FREM1: variants seen among roughly 807,000 people sequenced by gnomAD.
FREM1 encodes the protein FRAS1-related extracellular matrix protein 1.
Under a neutral mutation model 210.1 loss-of-function variants are expected in FREM1, and 220 were observed. The observed-to-expected ratio is 1.05, with a 90% CI of 0.94 to 1.17. The LOEUF (loss-of-function observed/expected upper bound fraction) is 1.17, where lower values mean the gene tolerates loss of function less well. FREM1 is among the 50% of genes most tolerant of loss of function. The probability of loss-of-function intolerance (pLI) is 0.00; values close to 1 mark genes in which losing one functional copy is unlikely to be tolerated. For missense variants in FREM1, 3,454 were observed against 2,675.5 expected, an observed-to-expected ratio of 1.29 and a Z score of -6.42; for synonymous variants, 1,189 against 980.2, an observed-to-expected ratio of 1.21 and a Z score of -3.98.
rs1442863190 is a variant in FREM1 at position 14,841,552 on chromosome 9, A to C, written c.1776T>G (p.Phe592Leu). Residue 592 changes from phenylalanine (F) to leucine (L), a missense_variant, in exon 10 of 37, where the codon TTT becomes TTG. Physicochemically the swap from Phe to Leu is conservative, Grantham distance 22 (BLOSUM62 0). Coordinates refer to ENST00000380880, the MANE Select transcript of FREM1 (RefSeq NM_001379081.2). ...PVHGFLQRDL[F>L]NGIIYYRHFG... ...AATGACGATAATAAATGATTCCATT[A>C]AACAAATCCCTCTGAAGGAAGCCAT... 11 of 1,611,818 alleles carry C rather than the reference A, an allele frequency of 6.8e-6. No homozygotes were observed. Among genetic ancestry groups the C allele is most frequent in the Non-Finnish European group, 9.3e-6 (11 of 1,178,328 alleles).
chr9:14,782,063 A>G (rs1488058165), intron 24 of FREM1, among the ~76,000 whole-genome samples: 3 of 152,174 alleles, frequency 2.0e-5, no homozygotes, highest in Admixed American at 2.0e-4. Flanking sequence ...ACTAGACCAG[A>G]CTATTGATGG....
intron 24 of FREM1, among the ~76,000 whole-genome samples, chr9:14,777,385 A>C (rs974230105): frequency 7.8e-5 from 9 of 114,846 alleles, no homozygotes; most frequent in Non-Finnish European, 1.5e-4. Flanking sequence ...AACTCCAAAA[A>C]GTTAGGAAAT....
chr9:14,848,780 A>G lies in FREM1; in HGVS notation c.1153-7T>C. The G allele has an allele frequency of 2.5e-6, 4 of 1,569,452 alleles. No individual in the cohort carries two copies. In the South Asian group the frequency reaches 4.4e-5, roughly 17 times the overall value. On this transcript the variant is annotated splice_region_variant and splice_polypyrimidine_tract_variant and intron_variant, in intron 6 of 36. Coordinates refer to ENST00000380880, the MANE Select transcript of FREM1 (RefSeq NM_001379081.2). ...CGTATACCTCCAATTCTACCTGTAA[A>G]CAAACAGAGGCAAAGGAGCCACACA...
intron 1 of FREM1, among the ~76,000 whole-genome samples, chr9:14,893,384 C>T (rs1046381105): frequency 1.3e-5 from 2 of 152,200 alleles, no homozygotes; most frequent in Non-Finnish European, 1.5e-5. Context: ...CATAAGCCTG[C>T]TGTCTAAGAC....
rs1256319609 is a variant in FREM1 at position 14,756,185 on chromosome 9, T to TA, written c.5407+188dup. Among the ~76,000 whole-genome samples, 3 of 150,950 alleles carry TA rather than the reference T, an allele frequency of 2.0e-5. No homozygotes were observed. The East Asian group carries it at 5.8e-4, about 29-fold the overall frequency. Reference sequence around the variant, plus strand: ...TTTGAAATCAAAATTCATTTGTTACTAAAAAAAAATAAGGGCAAAACCTCA... The same window carrying TA: ...TTTGAAATCAAAATTCATTTGTTACTAAAAAAAAAATAAGGGCAAAACCTCA... On this transcript the variant is annotated intron_variant, in intron 29 of 36. Transcript: ENST00000380880.
intron 4 of FREM1, among the ~76,000 whole-genome samples, chr9:14,858,321 T>A (rs1176012501): frequency 6.6e-6 from 1 of 152,188 alleles, no homozygotes; most frequent in Non-Finnish European, 1.5e-5. Flanking sequence ...TAACCAAATG[T>A]ATTTCCACTC....
chr9:14,886,895 C>T (rs994082976), intron 1 of FREM1, among the ~76,000 whole-genome samples: 34 of 95,476 alleles, frequency 3.6e-4, no homozygotes, highest in Admixed American at 5.8e-4. Context: ...GACCTTGTTT[C>T]AAAAAAAAAA....
chr9:14,745,346 C>T (rs1231048603), intron 35 of FREM1, among the ~76,000 whole-genome samples: 3 of 152,128 alleles, frequency 2.0e-5, no homozygotes, highest in Non-Finnish European at 4.4e-5. Context: ...AGTGGTATTT[C>T]ATTGTGGTTT....
chr9:14,793,101 G>T (rs1043869661), intron 21 of FREM1, among the ~76,000 whole-genome samples: 4 of 152,174 alleles, frequency 2.6e-5, no homozygotes, highest in African/African-American at 9.7e-5. Flanking sequence ...TAATGAATGT[G>T]GGAAGAGGTA....
intron 27 of FREM1, among the ~76,000 whole-genome samples, chr9:14,760,855 C>T (rs1845368566): frequency 1.3e-5 from 2 of 152,024 alleles, no homozygotes; most frequent in Non-Finnish European, 2.9e-5. Flanking sequence ...TGAGGTCTTG[C>T]CTTTTTTTTG....
At position 14,859,473 on chromosome 9, in the gene FREM1, C is replaced by T; in HGVS notation, c.341G>A (p.Arg114Lys). 6.2e-7 allele frequency: 1 copy of T among 1,612,190 alleles called. No individual in the cohort carries two copies. The highest frequency in any genetic ancestry group is 8.5e-7 in the Non-Finnish European group (1 of 1,178,836). The change falls in exon 4 of 37, where the codon AGA (arginine) becomes AAA (lysine). Residue 114 changes from arginine (R) to lysine (K), a missense_variant. By Grantham distance (26) the Arg-to-Lys change is conservative. Coordinates refer to ENST00000380880, the MANE Select transcript of FREM1 (RefSeq NM_001379081.2). ...GATAAAAGTTTCTATGAAGGTATCT[C>T]TTTCAGTAAATCTGTGGAGAACACA... is the stretch of plus-strand genomic sequence containing the variant. ...VKLRLYRFTERDTFIETFILW... is the reference protein window; with the variant it reads ...VKLRLYRFTEKDTFIETFILW...
chr9:14,848,607 C>T, intron 7 of FREM1, 58 bp downstream of exon 7: 3 of 976,316 alleles, frequency 3.1e-6, no homozygotes, highest in East Asian at 2.5e-5. Flanking sequence ...CCTGACCCAT[C>T]TACTTTCTTG....
chr9:14,871,483 C>A (rs1202466761), intron 1 of FREM1, among the ~76,000 whole-genome samples: 1 of 152,062 alleles, frequency 6.6e-6, no homozygotes, highest in Non-Finnish European at 1.5e-5. Context: ...ATATCCTTCG[C>A]CCACTTTTTG....
At chr9:14,846,865 G>A (rs1826721595) in intron 7 of FREM1, among the ~76,000 whole-genome samples, 1 of 152,158 alleles carries the variant, frequency 6.6e-6, no homozygotes, top group African/African-American at 2.4e-5. Context: ...TCTAGCTGCA[G>A]CCGCCCCATG....
chr9:14,789,068 T>A lies in FREM1; in HGVS notation c.4028A>T (p.Gln1343Leu). Reference sequence around the variant, plus strand: ...CAGCAAGTTCAGATCCACTTCCTCCTGAGTGCATTTCATGCCAGGGGAGAG... The same window carrying A: ...CAGCAAGTTCAGATCCACTTCCTCCAGAGTGCATTTCATGCCAGGGGAGAG... ...VPLSPGMKCTQEEVDLNLLRY... is the reference protein window; with the variant it reads ...VPLSPGMKCTLEEVDLNLLRY... Residue 1343 changes from glutamine (Q) to leucine (L), a missense_variant, in exon 23 of 37, where the codon CAG (glutamine) becomes CTG (leucine). Transcript: ENST00000380880. 1 of 1,606,538 alleles carries A rather than the reference T, an allele frequency of 6.2e-7. No individual in the cohort carries two copies.
Position 14,816,843 on chromosome 9 carries a change from G to GA in FREM1, c.2574dup (p.Gln859SerfsTer3). The stretch of plus-strand genomic sequence containing the variant: ...GTGACCTCCAAGAGTAGGTCATCCT[G>GA]AAGAACTTCAGTTCCATCATGTTGA... On this transcript the variant is annotated frameshift_variant, in exon 15 of 37. Transcript: ENST00000380880. LOFTEE classifies it high-confidence loss of function. 7.0e-7 allele frequency: 1 copy of GA among 1,434,912 alleles called. No homozygotes were observed. The allele number at this position is 1,434,912 out of a possible 1,614,324, so 88.9% of individuals were successfully genotyped here. A position where few individuals can be genotyped will look rare whatever the true frequency, so the allele number is the denominator to read the frequency against.
At chr9:14,848,639 G>A (rs774553336) in intron 7 of FREM1, 26 bp downstream of exon 7, 4 of 1,356,512 alleles carry the variant, frequency 2.9e-6, no homozygotes, top group Non-Finnish European at 4.2e-6. Context: ...GGGCTATGTT[G>A]CTCTATGCCT....
chr9:14,827,222 G>C (rs759764616), intron 10 of FREM1, among the ~76,000 whole-genome samples: 1 of 152,162 alleles, frequency 6.6e-6, no homozygotes, highest in Non-Finnish European at 1.5e-5. Context: ...GTCATAATCA[G>C]AACATTGGTA....
rs769450932 is a variant in FREM1, at chr9:14,748,571, G to A, written c.5626C>T (p.Leu1876=). The change falls in exon 31 of 37, where the codon CTG becomes TTG. Residue 1876 remains leucine (L), a synonymous_variant. Coordinates refer to ENST00000380880, the MANE Select transcript of FREM1 (RefSeq NM_001379081.2). ...HSTWEKGIWH[L]LPPGSSSSTT... Reference sequence around the variant, plus strand: ...GATGAGGAAGACCCTGGGGGCAGCAGATGCCAAATGCCCTTCTCCCATGTG... The same window carrying A: ...GATGAGGAAGACCCTGGGGGCAGCAAATGCCAAATGCCCTTCTCCCATGTG... 1.9e-6 allele frequency: 3 copies of A among 1,613,944 alleles called. No homozygotes were observed. The highest frequency in any genetic ancestry group is 2.5e-6 in the Non-Finnish European group (3 of 1,179,840).
Sources: allele counts gnomAD v4.1 joint callset (sites outside exome capture counted in the v4.1 genomes callset), GRCh38; gene constraint gnomAD v4.1.1; transcripts MANE v1.5; gene names NCBI Gene and HGNC (gene_info 2026-07-23, HGNC 2026-07-21).